XKRX: variants seen among roughly 807,000 people sequenced by gnomAD.
The protein encoded by XKRX is XK-related protein 2.
Under a neutral mutation model 22.4 loss-of-function variants are expected in XKRX, and 11 were observed. The ratio of observed to expected loss-of-function variants is 0.49; its 90% CI spans 0.31 to 0.81. The LOEUF (loss-of-function observed/expected upper bound fraction) is 0.81, where lower values mean the gene tolerates loss of function less well. Ranked by LOEUF, XKRX falls within the 40% of genes least tolerant of loss-of-function variation. The pLI, the probability that XKRX is intolerant of heterozygous loss-of-function variation, is 0.05. For synonymous variants in XKRX, 114 were observed against 132.2 expected, an observed-to-expected ratio of 0.86 and a Z score of 0.94; for missense variants, 320 against 336.5, an observed-to-expected ratio of 0.95 and a Z score of 0.38.
downstream of XKRX, among the ~76,000 whole-genome samples, chrX:100,908,964 C>G (rs1160854977): frequency 9.0e-6 from 1 of 111,721 alleles, no homozygotes; most frequent in Non-Finnish European, 1.9e-5. Flanking sequence ...TTGGCCTGCT[C>G]TAGAACTAGA....
chrX:100,900,858 C>A, the XKRX span, among the ~76,000 whole-genome samples: 1 of 101,539 alleles, frequency 9.8e-6, no homozygotes, highest in African/African-American at 3.6e-5. Flanking sequence ...GTCACGATCT[C>A]GGCTCACTGC....
chrX:100,904,539 TTA>T, the XKRX span, among the ~76,000 whole-genome samples: 8 of 112,544 alleles, frequency 7.1e-5, no homozygotes, highest in Admixed American at 7.6e-4. Flanking sequence ...TCATTCTTAA[TTA>T]AATAAGTTCC....
the XKRX span, among the ~76,000 whole-genome samples, chrX:100,953,197 G>T: frequency 4.5e-5 from 5 of 111,205 alleles, no homozygotes; most frequent in Non-Finnish European, 9.4e-5. Flanking sequence ...CTGAGGTCAG[G>T]GGATCACTTG....
At chrX:100,887,327 C>T in the XKRX span, among the ~76,000 whole-genome samples, 3,815 of 110,859 alleles carry the variant, frequency 0.034, 163 homozygotes, top group African/African-American at 0.12. Context: ...TTCAGCGTCA[C>T]GATCAGACTA....
At chrX:100,937,286 C>T in the XKRX span, among the ~76,000 whole-genome samples, 3 of 111,505 alleles carry the variant, frequency 2.7e-5, no homozygotes, top group East Asian at 2.8e-4. Flanking sequence ...CCACCGCGCC[C>T]GGCCACCTAA....
At chrX:100,899,761 TA>T in the XKRX span, among the ~76,000 whole-genome samples, 1 of 111,640 alleles carries the variant, frequency 9.0e-6, no homozygotes, top group African/African-American at 3.3e-5. Flanking sequence ...TCCAATAGCA[TA>T]AAAAATAATA....
At chrX:100,920,951 C>T (rs992729258) in intron 2 of XKRX, among the ~76,000 whole-genome samples, 2 of 110,074 alleles carry the variant, frequency 1.8e-5, no homozygotes, top group African/African-American at 6.6e-5. Flanking sequence ...CAGAGTCTCG[C>T]TCTGTTGCCC....
At chrX:100,950,653 C>G in the XKRX span, among the ~76,000 whole-genome samples, 1 of 111,808 alleles carries the variant, frequency 8.9e-6, no homozygotes. Flanking sequence ...TAAACCTAAA[C>G]AAAAGGACTG....
At chrX:100,954,055 T>C in the XKRX span, among the ~76,000 whole-genome samples, 1 of 110,871 alleles carries the variant, frequency 9.0e-6, no homozygotes, top group Non-Finnish European at 1.9e-5. Flanking sequence ...TACAATATCA[T>C]ATTAAACATC....
intron 2 of XKRX, 113 bp downstream of exon 2, chrX:100,922,674 ATTTAAT>A (rs772032452): frequency 5.1e-5 from 38 of 742,684 alleles, no homozygotes; most frequent in Non-Finnish European, 7.2e-5. Context: ...TTTTAATTTT[ATTTAAT>A]TTTAAGTTAA....
intron 1 of XKRX, 127 bp from the exon 2 acceptor site, chrX:100,923,188 A>AGCCAGGGTGATGGAG: frequency 2.4e-6 from 2 of 848,808 alleles, no homozygotes; most frequent in Non-Finnish European, 3.3e-6. Flanking sequence ...GTCTTACTCC[A>AGCCAGGGTGATGGAG]TCACCCTGGC....
intron 1 of XKRX, among the ~76,000 whole-genome samples, chrX:100,923,997 C>T (rs1197910000): frequency 3.5e-5 from 3 of 86,253 alleles, no homozygotes; most frequent in Non-Finnish European, 6.6e-5. Context: ...CCACCATGTC[C>T]GGCTAAGGTT....
chrX:100,919,977 CTT>C (rs1315775224), intron 2 of XKRX, among the ~76,000 whole-genome samples: 1 of 111,530 alleles, frequency 9.0e-6, no homozygotes, highest in East Asian at 2.8e-4. Flanking sequence ...TAGGAAACAA[CTT>C]TTTTGTGAAA....
In XKRX at chrX:100,922,962, G is replaced by T; in HGVS notation, c.435C>A (p.Gly145=). The change falls in exon 2 of 3, where the codon GGC becomes GGA. Residue 145 remains glycine, a synonymous_variant. Coordinates refer to ENST00000372956, the MANE Select transcript of XKRX (RefSeq NM_212559.3). ...SLTRKKMLID[G]EEVLIEWEVG... The stretch of plus-strand genomic sequence containing the variant: ...CCTCCCATTCTATCAGCACCTCCTC[G>T]CCATCTATTAGCATCTTCTTTCGGG... The T allele has an allele frequency of 2.5e-6, 3 of 1,211,426 alleles. No individual in the cohort carries two copies. The highest frequency in any genetic ancestry group is 3.4e-6 in the Non-Finnish European group (3 of 895,379).
rs1224040346 is a variant in XKRX, at chrX:100,928,631, G to A, written c.-327C>T. On this transcript the variant is annotated 5_prime_UTR_variant, in exon 1 of 3. Transcript: ENST00000372956. ...GCGCCCCATCCAGAGTCCAACTCCA[G>A]GGACGTGAAGAGTCATGAGAACAGC... is the stretch of plus-strand genomic sequence containing the variant. The A allele has an allele frequency of 1.2e-6, 1 of 849,336 alleles. No homozygotes were observed. Among genetic ancestry groups the A allele is most frequent in the Non-Finnish European group, 1.4e-6 (1 of 701,718 alleles). 70.0% of individuals were successfully genotyped at this position (849,336 alleles called of 1,213,427 possible). A position where few individuals can be genotyped will look rare whatever the true frequency, so the allele number is the denominator to read the frequency against.
At chrX:100,950,666 A>T in the XKRX span, among the ~76,000 whole-genome samples, 1 of 112,222 alleles carries the variant, frequency 8.9e-6, no homozygotes, top group African/African-American at 3.2e-5. Flanking sequence ...AAGGACTGAA[A>T]CTATGTTAAA....
At chrX:100,900,674 T>G in the XKRX span, among the ~76,000 whole-genome samples, 13 of 109,150 alleles carry the variant, frequency 1.2e-4, no homozygotes, top group East Asian at 3.7e-3. Flanking sequence ...ATGTATGTCC[T>G]ACTGGTTTTC....
chrX:100,901,036 C>T, the XKRX span, among the ~76,000 whole-genome samples: 5 of 110,713 alleles, frequency 4.5e-5, no homozygotes, highest in African/African-American at 1.3e-4. Context: ...GTGATCTGCC[C>T]GCCTTGGCCT....
rs896957708 is a variant in XKRX, at chrX:100,928,827, AG to A, written c.-524del. 1 of 754,550 alleles carries A rather than the reference AG, an allele frequency of 1.3e-6. No individual in the cohort carries two copies. Among genetic ancestry groups the A allele is most frequent in the African/African-American group, 2.3e-5 (1 of 43,118 alleles). The allele number at this position is 754,550 out of a possible 1,213,427, so 62.2% of individuals were successfully genotyped here. ...GGGCGCAGAAGAAGGAGGGCAGAAG[AG>A]GGGATTCAGTTCAGTGCCTAGGTAT... On this transcript the variant is annotated 5_prime_UTR_variant, in exon 1 of 3. Transcript: ENST00000372956.
Sources: allele counts gnomAD v4.1 joint callset (sites outside exome capture counted in the v4.1 genomes callset), GRCh38; gene constraint gnomAD v4.1.1; transcripts MANE v1.5; gene names NCBI Gene and HGNC (gene_info 2026-07-23, HGNC 2026-07-21).